AIG1: variants seen among roughly 807,000 people sequenced by gnomAD.
The protein encoded by AIG1 is androgen induced 1.
AIG1 carries 23 observed loss-of-function variants against 31.4 expected under a neutral mutation model. The observed-to-expected ratio is 0.73, with a 90% CI of 0.53 to 1.04. The LOEUF (loss-of-function observed/expected upper bound fraction) is 1.04. AIG1 is among the 50% of genes least tolerant of loss of function. The pLI, the probability that AIG1 is intolerant of heterozygous loss-of-function variation, is 0.00. For synonymous variants in AIG1, 100 were observed against 110.5 expected (o/e 0.90, Z 0.60); for missense variants, 274 against 295.0 (o/e 0.93, Z 0.52).
intron 1 of AIG1, among the ~76,000 whole-genome samples, chr6:143,133,432 G>T (rs891853878): frequency 1.5e-4 from 23 of 152,018 alleles, no homozygotes; most frequent in African/African-American, 5.3e-4. Flanking sequence ...TTAGCCTATT[G>T]CTTGTAGTAG....
At chr6:143,074,709 T>C (rs2128464128) in intron 1 of AIG1, among the ~76,000 whole-genome samples, 1 of 152,310 alleles carries the variant, frequency 6.6e-6, no homozygotes, top group South Asian at 2.1e-4. Context: ...ATTTGTGGGG[T>C]GAATGCTACT....
intron 3 of AIG1, among the ~76,000 whole-genome samples, chr6:143,176,267 G>A (rs1032755034): frequency 6.6e-6 from 1 of 152,206 alleles, no homozygotes; most frequent in Admixed American, 6.5e-5. Flanking sequence ...CACTGGTTTT[G>A]TGTTGGTTGG....
At chr6:143,245,541 A>G (rs189568969) in intron 3 of AIG1, among the ~76,000 whole-genome samples, 4 of 152,372 alleles carry the variant, frequency 2.6e-5, no homozygotes, top group Admixed American at 2.6e-4. Flanking sequence ...CCAATCAAGA[A>G]TAAATATTGC....
intron 1 of AIG1, among the ~76,000 whole-genome samples, chr6:143,067,122 T>C (rs1776785582): frequency 1.3e-5 from 2 of 152,054 alleles, no homozygotes. Flanking sequence ...GCTATGATAG[T>C]GCCACTGCAC....
intron 3 of AIG1, among the ~76,000 whole-genome samples, chr6:143,269,764 C>T (rs1233687719): frequency 6.6e-6 from 1 of 152,154 alleles, no homozygotes; most frequent in Non-Finnish European, 1.5e-5. Context: ...ATGTAAACAT[C>T]GGCAAAACTG....
intron 1 of AIG1, among the ~76,000 whole-genome samples, chr6:143,125,914 A>AT (rs1364727591): frequency 6.6e-6 from 1 of 152,108 alleles, no homozygotes; most frequent in Non-Finnish European, 1.5e-5. Flanking sequence ...TGTTTCATCG[A>AT]TTTTCAGTAA....
chr6:143,323,690 T>G (rs1278889532), intron 4 of AIG1, among the ~76,000 whole-genome samples: 1 of 152,092 alleles, frequency 6.6e-6, no homozygotes, highest in Non-Finnish European at 1.5e-5. Context: ...AGGCTGTTCA[T>G]CAGGAATCTT....
At chr6:143,276,207 G>A (rs921019269) in intron 3 of AIG1, among the ~76,000 whole-genome samples, 1 of 152,198 alleles carries the variant, frequency 6.6e-6, no homozygotes, top group Admixed American at 6.5e-5. Flanking sequence ...TAATTGCAAC[G>A]ATATGCATGT....
intron 3 of AIG1, among the ~76,000 whole-genome samples, chr6:143,169,485 A>T (rs1787286590): frequency 6.6e-6 from 1 of 152,284 alleles, no homozygotes; most frequent in Non-Finnish European, 1.5e-5. Flanking sequence ...TTTTGAAAAT[A>T]ACAGTAAATT....
At chr6:143,290,396 G>A (rs541813683) in intron 4 of AIG1, among the ~76,000 whole-genome samples, 223 of 152,318 alleles carry the variant, frequency 1.5e-3, no homozygotes, top group African/African-American at 5.1e-3. Flanking sequence ...TCCTTGGAGT[G>A]GGCTGCCCAC....
At chr6:143,061,561 G>A in intron 1 of AIG1, 1 of 310,740 alleles carries the variant, frequency 3.2e-6, no homozygotes, top group South Asian at 2.8e-5. Flanking sequence ...TCTCATAAGG[G>A]AGAGAAAGCA....
intron 1 of AIG1, among the ~76,000 whole-genome samples, chr6:143,085,724 A>G (rs1328491541): frequency 2.0e-5 from 3 of 152,118 alleles, no homozygotes; most frequent in African/African-American, 7.2e-5. Flanking sequence ...GAGCAGACCA[A>G]TTATTAGGCA....
chr6:143,139,931 A>G (rs1784108557), intron 2 of AIG1, among the ~76,000 whole-genome samples: 3 of 152,246 alleles, frequency 2.0e-5, no homozygotes, highest in Admixed American at 2.0e-4. Flanking sequence ...TATACAATAT[A>G]TGAATGTGCC....
rs2128695440 is a variant in AIG1, at chr6:143,298,920, C to G, written c.515+14695C>G. The G allele has an allele frequency of 6.6e-6, 1 of 152,272 alleles. No homozygotes were observed. The highest frequency in any genetic ancestry group is 2.4e-5 in the African/African-American group (1 of 41,544). The allele number at this position is 152,272 out of a possible 1,614,324, so 9.4% of individuals were successfully genotyped here. A position where few individuals can be genotyped will look rare whatever the true frequency, so the allele number is the denominator to read the frequency against. ...TTTTTTTTTCCCAAGGCTGTGACAT[C>G]TGTCTGTGTTCTAAAGCCAGTAATA... On this transcript the variant is annotated intron_variant, in intron 4 of 5. Coordinates refer to ENST00000357847, the MANE Select transcript of AIG1 (RefSeq NM_016108.4). The surrounding 1 kb of genome is among the most constrained non-coding windows in gnomAD (Gnocchi z 5.1).
At chr6:143,315,343 A>C in intron 4 of AIG1, among the ~76,000 whole-genome samples, 1 of 152,130 alleles carries the variant, frequency 6.6e-6, no homozygotes, top group South Asian at 2.1e-4. Flanking sequence ...TTATATTGAA[A>C]GTCAAAAGGC....
At chr6:143,210,588 A>G (rs1791505148) in intron 3 of AIG1, among the ~76,000 whole-genome samples, 1 of 152,240 alleles carries the variant, frequency 6.6e-6, no homozygotes, top group African/African-American at 2.4e-5. Context: ...GAGCCCTGTG[A>G]TGCTGAAGAA....
intron 3 of AIG1, among the ~76,000 whole-genome samples, chr6:143,221,750 C>T (rs748630926): frequency 6.6e-6 from 1 of 152,142 alleles, no homozygotes; most frequent in Non-Finnish European, 1.5e-5. Flanking sequence ...ATGACTGATT[C>T]AATGCAATAA....
At chr6:143,205,783 A>T (rs527409132) in intron 3 of AIG1, among the ~76,000 whole-genome samples, 1 of 152,352 alleles carries the variant, frequency 6.6e-6, no homozygotes, top group South Asian at 2.1e-4. Flanking sequence ...TAGGGCATTC[A>T]TGAGGTCTTT....
chr6:143,158,640 C>T (rs1437403051), intron 2 of AIG1, among the ~76,000 whole-genome samples: 1 of 152,156 alleles, frequency 6.6e-6, no homozygotes, highest in African/African-American at 2.4e-5. Context: ...TGATAGAAGA[C>T]TTAAGCAGGT....
Sources: allele counts gnomAD v4.1 joint callset (sites outside exome capture counted in the v4.1 genomes callset), GRCh38; gene constraint gnomAD v4.1.1; non-coding constraint Gnocchi (gnomAD v3.1); transcripts MANE v1.5; gene names NCBI Gene and HGNC (gene_info 2026-07-23, HGNC 2026-07-21).